Variants in RBM20 observed in about 807,000 individuals in gnomAD.
RBM20 encodes the protein RNA-binding protein 20.
RBM20 carries 51 observed loss-of-function variants against 110.1 expected under a neutral mutation model. The observed-to-expected ratio is 0.46, with a 90% confidence interval of 0.37 to 0.59. The LOEUF (loss-of-function observed/expected upper bound fraction) is 0.59. Among genes scored for constraint, RBM20 ranks in the 20% least tolerant of loss-of-function variants. The probability of loss-of-function intolerance (pLI) is 0.00; values close to 1 mark genes in which losing one functional copy is unlikely to be tolerated. For missense variants in RBM20, 1,512 were observed against 1,574.9 expected (o/e 0.96, Z 0.68); for synonymous variants, 589 against 618.2 (o/e 0.95, Z 0.70).
intron 5 of RBM20, among the ~76,000 whole-genome samples, chr10:110,791,023 AT>A (rs1174336086): frequency 6.6e-6 from 1 of 152,208 alleles, no homozygotes; most frequent in Non-Finnish European, 1.5e-5. Flanking sequence ...AATCCTATGG[AT>A]TTACCAGTAA....
At chr10:110,826,020 G>C (rs1844976062) in intron 12 of RBM20, among the ~76,000 whole-genome samples, 1 of 152,320 alleles carries the variant, frequency 6.6e-6, no homozygotes, top group African/African-American at 2.4e-5. Context: ...GTGTATGCCA[G>C]TGTTCCTGTG....
At chr10:110,691,972 T>C (rs890507534) in intron 1 of RBM20, among the ~76,000 whole-genome samples, 14 of 152,216 alleles carry the variant, frequency 9.2e-5, no homozygotes, top group Admixed American at 7.9e-4. Flanking sequence ...GGATCCAACT[T>C]CATTATTTTG....
At chr10:110,709,150 AG>A in intron 1 of RBM20, among the ~76,000 whole-genome samples, 1 of 152,176 alleles carries the variant, frequency 6.6e-6, no homozygotes, top group Admixed American at 6.5e-5. Flanking sequence ...ATCCTGATGC[AG>A]GGTCAGGTTC....
chr10:110,818,018 G>A (rs1844861306), intron 9 of RBM20, among the ~76,000 whole-genome samples: 3 of 152,050 alleles, frequency 2.0e-5, no homozygotes, highest in South Asian at 4.1e-4. Flanking sequence ...AGTGGCTCAC[G>A]CCTGTAATTC....
At chr10:110,830,945 C>T (rs1237934250) in intron 12 of RBM20, 116 bp from the exon 13 acceptor site, 11 of 1,058,032 alleles carry the variant, frequency 1.0e-5, no homozygotes, top group African/African-American at 1.6e-5. Context: ...CCAAGGTCAA[C>T]AGCAAGTGAG....
chr10:110,718,732 T>C (rs1843466961), intron 1 of RBM20, among the ~76,000 whole-genome samples: 1 of 151,336 alleles, frequency 6.6e-6, no homozygotes, highest in Non-Finnish European at 1.5e-5. Context: ...CTGCCTCAGC[T>C]TCCCAAGTAG....
chr10:110,738,044 G>C (rs1446609512), intron 1 of RBM20, among the ~76,000 whole-genome samples: 1 of 152,160 alleles, frequency 6.6e-6, no homozygotes, highest in African/African-American at 2.4e-5. Flanking sequence ...GAGGCATTGG[G>C]AATAGTAAGG....
intron 1 of RBM20, among the ~76,000 whole-genome samples, chr10:110,777,194 G>A (rs1844277074): frequency 6.6e-6 from 1 of 152,204 alleles, no homozygotes; most frequent in African/African-American, 2.4e-5. Context: ...GTCTGGTGGA[G>A]TAGAAAGGCA....
upstream of RBM20, chr10:110,644,323 G>A (rs945791802): frequency 9.7e-6 from 6 of 615,520 alleles, no homozygotes; most frequent in East Asian, 7.0e-5. The surrounding 1 kb of genome is among the most constrained non-coding windows in gnomAD (Gnocchi z 4.3). Context: ...CCCGCCCCTC[G>A]CGTCTCCTCC....
At chr10:110,686,052 G>A (rs1225626913) in intron 1 of RBM20, among the ~76,000 whole-genome samples, 1 of 152,182 alleles carries the variant, frequency 6.6e-6, no homozygotes, top group Non-Finnish European at 1.5e-5. Flanking sequence ...TTGAATAGCT[G>A]TGGAGCTTTG....
Position 110,838,462 on chromosome 10 carries a change from G to A in RBM20, c.*2484G>A, listed in dbSNP as rs1845161284. ...TCTCAGAAAACCTTTGATCTTGTGT[G>A]TCTTTCTTCCTACTGAAGGGAATTG... On this transcript the variant is annotated 3_prime_UTR_variant, in exon 14 of 14. Coordinates refer to ENST00000369519, the MANE Select transcript of RBM20 (RefSeq NM_001134363.3). 1.3e-5 allele frequency: 2 copies of A among 152,188 alleles called. No individual in the cohort carries two copies. Among genetic ancestry groups the A allele is most frequent in the African/African-American group, 4.8e-5 (2 of 41,448 alleles). The allele number at this position is 152,188 out of a possible 1,614,324, so 9.4% of individuals were successfully genotyped here. A position where few individuals can be genotyped will look rare whatever the true frequency, so the allele number is the denominator to read the frequency against.
rs556331916 is a variant in RBM20, at chr10:110,654,423, G to A, written c.191+9778G>A. Among the ~76,000 whole-genome samples, 3 of 152,276 alleles carry A rather than the reference G, an allele frequency of 2.0e-5. 1 individual carries two copies. The South Asian group carries it at 6.2e-4, about 32-fold the overall frequency. On this transcript the variant is annotated intron_variant, in intron 1 of 13. Transcript: ENST00000369519. ...TCTCTTGAGTTGCAGTGCTTTTAAT[G>A]TCCATTTTAATGCTAATGGAAATAA...
chr10:110,667,661 G>T (rs536807952), intron 1 of RBM20, among the ~76,000 whole-genome samples: 1 of 152,062 alleles, frequency 6.6e-6, no homozygotes, highest in Non-Finnish European at 1.5e-5. Flanking sequence ...CACTAATCTC[G>T]TAACACACAG....
chr10:110,799,987 C>T, intron 7 of RBM20, 69 bp downstream of exon 7: 2 of 1,398,466 alleles, frequency 1.4e-6, no homozygotes, highest in Non-Finnish European at 9.9e-7. Flanking sequence ...GTGTTAGGCA[C>T]TGACCTAAAC....
intron 8 of RBM20, among the ~76,000 whole-genome samples, chr10:110,811,635 C>G (rs908050682): frequency 6.6e-6 from 1 of 152,016 alleles, no homozygotes; most frequent in Non-Finnish European, 1.5e-5. Context: ...ACGTGTAGAT[C>G]AGGATTCTAG....
chr10:110,737,936 G>C (rs1041987301), intron 1 of RBM20, among the ~76,000 whole-genome samples: 5 of 152,182 alleles, frequency 3.3e-5, no homozygotes, highest in African/African-American at 7.2e-5. Context: ...GGAATTGCTG[G>C]GTTGTTAAAT....
chr10:110,801,377 A>G (rs1844621174), intron 7 of RBM20, among the ~76,000 whole-genome samples: 1 of 152,032 alleles, frequency 6.6e-6, no homozygotes, highest in Non-Finnish European at 1.5e-5. Context: ...CAGTGAGCCA[A>G]GATTGTGCCA....
chr10:110,752,158 T>G (rs1843862318), intron 1 of RBM20, among the ~76,000 whole-genome samples: 2 of 152,342 alleles, frequency 1.3e-5, no homozygotes, highest in South Asian at 2.1e-4. Context: ...CCATACAGAA[T>G]AGTTTCACTG....
intron 12 of RBM20, among the ~76,000 whole-genome samples, chr10:110,828,836 T>G (rs1845013939): frequency 6.6e-6 from 1 of 152,140 alleles, no homozygotes; most frequent in Non-Finnish European, 1.5e-5. Flanking sequence ...TTTTGTTTTT[T>G]GTTTGTTTGT....
Sources: gnomAD v4.1 joint callset for allele counts (sites outside exome capture counted in the v4.1 genomes callset) on GRCh38, gnomAD v4.1.1 for gene constraint, Gnocchi (gnomAD v3.1) non-coding constraint, MANE v1.5 for transcripts, NCBI Gene and HGNC (gene_info 2026-07-23, HGNC 2026-07-21) for gene names.